The following NBEA variants were observed in gnomAD, a reference collection of about 807,000 sequenced individuals.
NBEA encodes the protein neurobeachin.
In NBEA, 44 loss-of-function variants were observed where a neutral mutation model predicts 343.4. That is an observed-to-expected ratio of 0.13 (90% CI 0.10 to 0.16). The LOEUF is 0.16. Ranked by LOEUF, NBEA falls within the 10% of genes least tolerant of loss-of-function variation. NBEA has a pLI of 1.00. For synonymous variants in NBEA, 1,175 were observed against 1,238.7 expected, an observed-to-expected ratio of 0.95 and a Z score of 1.08; for missense variants, 2,555 against 3,631.3, an observed-to-expected ratio of 0.70 and a Z score of 7.62.
rs1418682725 is a variant in NBEA, at chr13:35,667,587, C to G, written c.8661+17C>G. 1.2e-6 allele frequency: 2 copies of G among 1,608,326 alleles called. No individual in the cohort carries two copies. The highest frequency in any genetic ancestry group is 1.7e-6 in the Non-Finnish European group (2 of 1,175,268). On this transcript the variant is annotated intron_variant, in intron 57 of 58. Coordinates refer to ENST00000379939, the MANE Select transcript of NBEA (RefSeq NM_001385012.1). Reference sequence around the variant, plus strand: ...TCAACACGGGTAAATCTGCATAGTTCGTGCTAAGTAGGACTGAAGCCAAGA... The same window carrying G: ...TCAACACGGGTAAATCTGCATAGTTGGTGCTAAGTAGGACTGAAGCCAAGA...
At chr13:35,299,716 A>G (rs1331630178) in intron 35 of NBEA, among the ~76,000 whole-genome samples, 1 of 152,334 alleles carries the variant, frequency 6.6e-6, no homozygotes, top group Non-Finnish European at 1.5e-5. Context: ...AAAAGTGCAT[A>G]TATGTCTATG....
rs375087356 is a variant in NBEA, at chr13:35,178,603, A to C, written c.4662+1500A>C. 1.1e-4 allele frequency among the ~76,000 whole-genome samples: 17 copies of C among 151,818 alleles called. No homozygotes were observed. The East Asian group carries it at 3.3e-3, about 29-fold the overall frequency. The stretch of plus-strand genomic sequence containing the variant: ...TTTATTTTTAAAAAAAGACTGAAAA[A>C]ATATACCAGTATTCCACCAATGATT... On this transcript the variant is annotated intron_variant, in intron 28 of 58. Coordinates refer to ENST00000379939, the MANE Select transcript of NBEA (RefSeq NM_001385012.1).
chr13:35,662,508 G>A (rs761128635), intron 55 of NBEA, among the ~76,000 whole-genome samples: 12 of 152,256 alleles, frequency 7.9e-5, no homozygotes, highest in Non-Finnish European at 1.3e-4. Context: ...TAGGAAACAA[G>A]CTTTCCCGCC....
chr13:35,022,537 G>T (rs1052488220), intron 1 of NBEA, among the ~76,000 whole-genome samples: 1 of 152,044 alleles, frequency 6.6e-6, no homozygotes, highest in African/African-American at 2.4e-5. Flanking sequence ...TTATGTTCAT[G>T]TGTAAATTAT....
rs371897742 is a variant in NBEA, at chr13:35,628,265, A to G, written c.7617+17A>G. 1.1e-4 allele frequency: 172 copies of G among 1,523,780 alleles called. No homozygotes were observed. The highest frequency in any genetic ancestry group is 1.4e-4 in the Non-Finnish European group (164 of 1,133,226). The allele number at this position is 1,523,780 out of a possible 1,614,324, so 94.4% of individuals were successfully genotyped here. On this transcript the variant is annotated intron_variant, in intron 49 of 58. Coordinates refer to ENST00000379939, the MANE Select transcript of NBEA (RefSeq NM_001385012.1). ...CTCAGGGAGGTAGGTGTTAAATCCC[A>G]TATTATTCCAAAAATTTCTGTCATC...
At chr13:35,483,987 A>G (rs1205211382) in intron 41 of NBEA, among the ~76,000 whole-genome samples, 3 of 152,200 alleles carry the variant, frequency 2.0e-5, no homozygotes, top group African/African-American at 7.2e-5. Context: ...TCTTGTTGCC[A>G]CCAGGAAGTA....
At chr13:35,268,106 C>T (rs1222723573) in intron 34 of NBEA, among the ~76,000 whole-genome samples, 3 of 151,980 alleles carry the variant, frequency 2.0e-5, no homozygotes, top group Admixed American at 2.0e-4. Flanking sequence ...TTGAAATAAC[C>T]TGGGTGTCCA....
At chr13:35,086,989 G>A (rs1224571843) in intron 10 of NBEA, among the ~76,000 whole-genome samples, 4 of 151,360 alleles carry the variant, frequency 2.6e-5, no homozygotes, top group Non-Finnish European at 5.9e-5. Flanking sequence ...CTTTTTAATG[G>A]GGTTATTTTT....
chr13:35,155,155 A>AT (rs1201557896), intron 18 of NBEA, among the ~76,000 whole-genome samples: 1 of 151,200 alleles, frequency 6.6e-6, no homozygotes, highest in African/African-American at 2.4e-5. Flanking sequence ...AAAAAAAAAA[A>AT]AAGTAGTTCA....
intron 10 of NBEA, among the ~76,000 whole-genome samples, chr13:35,073,524 C>T (rs2063969311): frequency 6.6e-6 from 1 of 152,168 alleles, no homozygotes; most frequent in Admixed American, 6.6e-5. Flanking sequence ...ATAGTTTTCT[C>T]TACTAAGTAG....
At chr13:34,999,870 G>A (rs1027765959) in intron 1 of NBEA, among the ~76,000 whole-genome samples, 4 of 152,022 alleles carry the variant, frequency 2.6e-5, no homozygotes, top group Middle Eastern at 3.2e-3. Context: ...CTATTTCAAA[G>A]CCCAGACTCT....
intron 10 of NBEA, among the ~76,000 whole-genome samples, chr13:35,088,423 C>G (rs978306871): frequency 3.3e-5 from 5 of 151,782 alleles, no homozygotes; most frequent in African/African-American, 4.8e-5. Flanking sequence ...GTAATATAAT[C>G]CAATTTCCAT....
At chr13:35,400,701 G>T (rs548303607) in intron 38 of NBEA, among the ~76,000 whole-genome samples, 19 of 152,014 alleles carry the variant, frequency 1.2e-4, no homozygotes, top group Non-Finnish European at 1.8e-4. Flanking sequence ...TTGTAGTCTG[G>T]AATTTATAAT....
At chr13:35,613,886 C>T (rs1296681220) in intron 48 of NBEA, among the ~76,000 whole-genome samples, 4 of 152,184 alleles carry the variant, frequency 2.6e-5, no homozygotes, top group Non-Finnish European at 5.9e-5. Flanking sequence ...CAGGCATGAG[C>T]CACCAAGCCA....
At chr13:35,530,678 T>C (rs759187779) in intron 41 of NBEA, among the ~76,000 whole-genome samples, 8 of 152,200 alleles carry the variant, frequency 5.3e-5, no homozygotes, top group African/African-American at 7.2e-5. Context: ...TATTGAGGGC[T>C]TAAAAGAAAC....
At chr13:35,602,020 A>G (rs1393049555) in intron 47 of NBEA, among the ~76,000 whole-genome samples, 3 of 152,124 alleles carry the variant, frequency 2.0e-5, no homozygotes, top group African/African-American at 7.2e-5. Flanking sequence ...AAATATATGT[A>G]AAGCACTTAG....
chr13:35,101,308 T>G (rs2065637035), intron 11 of NBEA, among the ~76,000 whole-genome samples: 1 of 151,966 alleles, frequency 6.6e-6, no homozygotes, highest in Non-Finnish European at 1.5e-5. Flanking sequence ...ACCAACCATA[T>G]TTAAGAGTTC....
At chr13:35,535,311 GT>G (rs990279878) in intron 41 of NBEA, among the ~76,000 whole-genome samples, 1 of 148,038 alleles carries the variant, frequency 6.8e-6, no homozygotes, top group African/African-American at 2.7e-5. Flanking sequence ...TTTTTGTTTA[GT>G]TTTGTTTTGT....
intron 34 of NBEA, among the ~76,000 whole-genome samples, chr13:35,236,549 C>T (rs980696368): frequency 6.6e-6 from 1 of 151,948 alleles, no homozygotes; most frequent in Non-Finnish European, 1.5e-5. Context: ...TGGGTTCACG[C>T]CATTCTCCTG....
Sources: allele counts gnomAD v4.1 joint callset (sites outside exome capture counted in the v4.1 genomes callset), GRCh38; gene constraint gnomAD v4.1.1; transcripts MANE v1.5; gene names NCBI Gene and HGNC (gene_info 2026-07-23, HGNC 2026-07-21).